NWD1: variants seen among roughly 807,000 people sequenced by gnomAD.
NWD1 encodes NACHT and WD repeat domain containing 1, also known as NACHT domain- and WD repeat-containing protein 1.
A neutral mutation model predicts 135.1 loss-of-function variants in NWD1; 129 were observed. That is an observed-to-expected ratio of 0.96 (90% CI 0.83 to 1.11). The LOEUF (loss-of-function observed/expected upper bound fraction) is 1.11, where lower values mean the gene tolerates loss of function less well. Among genes scored for constraint, NWD1 ranks in the 50% least tolerant of loss-of-function variants. NWD1 has a pLI of 0.00. For missense variants in NWD1, 1,740 were observed against 1,851.3 expected (o/e 0.94, Z 1.10); for synonymous variants, 773 against 786.0 (o/e 0.98, Z 0.28).
chr19:16,736,678 C>T lies in NWD1; in HGVS notation c.126C>T (p.Asp42=). The T allele has an allele frequency of 6.5e-7, 1 of 1,536,188 alleles. No homozygotes were observed. The highest frequency in any genetic ancestry group is 1.2e-5 in the South Asian group (1 of 84,060). The change falls in exon 4 of 19, where the codon GAC becomes GAT. Residue 42 remains aspartate, a synonymous_variant. Coordinates refer to ENST00000524140, the MANE Select transcript of NWD1 (RefSeq NM_001007525.5). The part of the protein sequence containing the change: ...RWGIRNIEAT[D]HLTTELCLEE... The stretch of plus-strand genomic sequence containing the variant: ...GTATTCGGAACATTGAAGCCACTGA[C>T]CACTTGACCACAGAACTCTGCTTGG...
At chr19:16,770,796 G>A (rs1468903113) in intron 10 of NWD1, among the ~76,000 whole-genome samples, 1 of 152,164 alleles carries the variant, frequency 6.6e-6, no homozygotes, top group Admixed American at 6.6e-5. Flanking sequence ...CCTAGGATGA[G>A]CTATTTCTGC....
At chr19:16,743,680 G>A (rs141273708) in intron 4 of NWD1, among the ~76,000 whole-genome samples, 3,505 of 151,574 alleles carry the variant, frequency 0.023, 137 homozygotes, top group African/African-American at 0.081. Context: ...TTATTAGTTT[G>A]TTTATTTATT....
intron 18 of NWD1, among the ~76,000 whole-genome samples, chr19:16,811,767 A>G (rs960174324): frequency 2.0e-5 from 3 of 152,058 alleles, no homozygotes; most frequent in Admixed American, 1.3e-4. Flanking sequence ...CATTGGATCC[A>G]TCCCCCTGTG....
chr19:16,792,311 G>C (rs1041727472), intron 14 of NWD1, among the ~76,000 whole-genome samples: 1 of 151,856 alleles, frequency 6.6e-6, no homozygotes, highest in Admixed American at 6.6e-5. Flanking sequence ...GAGGCTGAGG[G>C]GGGGTGGATC....
intron 3 of NWD1, among the ~76,000 whole-genome samples, chr19:16,736,095 C>G (rs961874671): frequency 6.6e-6 from 1 of 152,020 alleles, no homozygotes; most frequent in African/African-American, 2.4e-5. Context: ...CATTGCATTT[C>G]GTTGTCTTAT....
At chr19:16,798,475 A>C (rs951605810) in intron 16 of NWD1, among the ~76,000 whole-genome samples, 8 of 152,056 alleles carry the variant, frequency 5.3e-5, no homozygotes, top group African/African-American at 1.9e-4. Context: ...GCCGGGCGTC[A>C]TGGCATGTGC....
chr19:16,768,881 C>T (rs767455419), intron 10 of NWD1, among the ~76,000 whole-genome samples: 1 of 152,220 alleles, frequency 6.6e-6, no homozygotes, highest in Non-Finnish European at 1.5e-5. Context: ...CCTGGCCCTG[C>T]AAACCATCCT....
Position 16,750,122 on chromosome 19 carries a change from C to T in NWD1, c.1480C>T (p.Pro494Ser). ...CCCGGAGGCCTACTGGGAGGTGAAG[C>T]CCCTTTCCGGAAACCAAGGCCAGCA... ...LDPEAYWEVK[P>S]LSGNQGQQMI... Residue 494 changes from proline (P) to serine (S), a missense_variant, in exon 6 of 19, where the codon CCC becomes TCC. By Grantham distance (74) the Pro-to-Ser change is moderately conservative. Transcript: ENST00000524140. 6.2e-7 allele frequency: 1 copy of T among 1,614,008 alleles called. No homozygotes were observed. The highest frequency in any genetic ancestry group is 8.5e-7 in the Non-Finnish European group (1 of 1,180,028).
chr19:16,810,386 C>T (rs62119294), intron 18 of NWD1, among the ~76,000 whole-genome samples: 8,528 of 141,216 alleles, frequency 0.06, 316 homozygotes, highest in Non-Finnish European at 0.086. Context: ...TGCAGTGAGC[C>T]GAGAACACGC....
chr19:16,797,297 C>T (rs187060892), intron 15 of NWD1, among the ~76,000 whole-genome samples: 7 of 151,706 alleles, frequency 4.6e-5, no homozygotes, highest in Non-Finnish European at 5.9e-5. Context: ...GATCCCTTCT[C>T]CTGGCACCTA....
At chr19:16,731,610 C>CTT (rs35083498) in intron 3 of NWD1, among the ~76,000 whole-genome samples, 35,649 of 139,326 alleles carry the variant, frequency 0.26, 5,852 homozygotes, top group Middle Eastern at 0.44. Flanking sequence ...CAGCCCCATG[C>CTT]TTTTTTTTTT....
intron 13 of NWD1, among the ~76,000 whole-genome samples, chr19:16,789,811 A>C (rs1159260844): frequency 7.0e-6 from 1 of 142,136 alleles, no homozygotes; most frequent in Non-Finnish European, 1.5e-5. Context: ...TCCACCTCCC[A>C]GGTTGAAGTG....
At chr19:16,750,576 G>C (rs992306951) in intron 6 of NWD1, among the ~76,000 whole-genome samples, 165 bp downstream of exon 6, 2 of 144,968 alleles carry the variant, frequency 1.4e-5, no homozygotes, top group African/African-American at 5.2e-5. Context: ...CGCCTCACCT[G>C]CTGAGTAGCT....
At chr19:16,784,007 C>G (rs1202546339) in intron 12 of NWD1, among the ~76,000 whole-genome samples, 3 of 152,172 alleles carry the variant, frequency 2.0e-5, no homozygotes, top group South Asian at 2.1e-4. Context: ...GAGTTCGAAA[C>G]CAGCCTGGCC....
At chr19:16,734,634 G>C (rs995918115) in intron 3 of NWD1, among the ~76,000 whole-genome samples, 1 of 151,340 alleles carries the variant, frequency 6.6e-6, no homozygotes, top group Non-Finnish European at 1.5e-5. Flanking sequence ...TGGAGTGCAG[G>C]CATGCAATCA....
At position 16,749,700 on chromosome 19, in the gene NWD1, A is replaced by G. The variant is rs771829279; in HGVS notation, c.1058A>G (p.Lys353Arg). 4 of 1,601,830 alleles carry G rather than the reference A, an allele frequency of 2.5e-6. No homozygotes were observed. The highest frequency in any genetic ancestry group is 4.5e-5 in the East Asian group (2 of 44,732). The change falls in exon 6 of 19, where the codon AAG becomes AGG. Residue 353 changes from lysine (K) to arginine (R), a missense_variant. By Grantham distance (26) the Lys-to-Arg change is conservative. Transcript: ENST00000524140. ...ATTGGAAAGACAGCCCTGATGTGCA[A>G]GCTGGCTGAGCAGATGCCAAGGCTG... The part of the protein sequence containing the change: ...PGIGKTALMC[K>R]LAEQMPRLLG...
intron 12 of NWD1, among the ~76,000 whole-genome samples, chr19:16,779,802 A>C (rs1969792887): frequency 7.2e-5 from 11 of 151,920 alleles, no homozygotes; most frequent in Admixed American, 7.2e-4. Context: ...ATACCCAGCT[A>C]ATTTTTTAAT....
At position 16,736,744 on chromosome 19, in the gene NWD1, T is replaced by A; in HGVS notation, c.192T>A (p.Ala64=). 6.5e-7 allele frequency: 1 copy of A among 1,526,802 alleles called. No homozygotes were observed. The highest frequency in any genetic ancestry group is 1.2e-5 in the South Asian group (1 of 83,880). The allele number at this position is 1,526,802 out of a possible 1,614,324, so 94.6% of individuals were successfully genotyped here. The change falls in exon 4 of 19, where the codon GCT becomes GCA. Residue 64 remains alanine (A), a synonymous_variant. Coordinates refer to ENST00000524140, the MANE Select transcript of NWD1 (RefSeq NM_001007525.5). ...GTTGGAAAACATCCATAGGGCCAGC[T>A]TTTGTTGTGAGTGTCTTGGGAGGAA... is the stretch of plus-strand genomic sequence containing the variant. The part of the protein sequence containing the change: ...DRCWKTSIGP[A]FVALIGDQYG...
intron 12 of NWD1, among the ~76,000 whole-genome samples, chr19:16,784,577 C>T (rs1048470409): frequency 1.3e-5 from 2 of 151,964 alleles, no homozygotes; most frequent in South Asian, 4.2e-4. Context: ...ATGAGGTTGG[C>T]GGGTCTACAG....
Sources: allele counts gnomAD v4.1 joint callset (sites outside exome capture counted in the v4.1 genomes callset), GRCh38; gene constraint gnomAD v4.1.1; transcripts MANE v1.5; gene names NCBI Gene and HGNC (gene_info 2026-07-23, HGNC 2026-07-21).